MINDY4: variants seen among roughly 807,000 people sequenced by gnomAD.
MINDY4 encodes probable ubiquitin carboxyl-terminal hydrolase MINDY-4.
Under a neutral mutation model 87.0 loss-of-function variants are expected in MINDY4, and 68 were observed. The ratio of observed to expected loss-of-function variants is 0.78; its 90% CI spans 0.64 to 0.96. MINDY4 has a LOEUF of 0.96. Ranked by LOEUF, MINDY4 falls within the 40% of genes least tolerant of loss-of-function variation. The pLI is 0.00. For missense variants in MINDY4, 919 were observed against 928.2 expected (o/e 0.99, Z 0.13); for synonymous variants, 379 against 363.2 (o/e 1.04, Z -0.50).
At chr7:30,790,867 C>T (rs1185938812) in intron 4 of MINDY4, among the ~76,000 whole-genome samples, 5 of 152,182 alleles carry the variant, frequency 3.3e-5, no homozygotes, top group Admixed American at 6.5e-5. Flanking sequence ...GGTGGTGATG[C>T]AGACTGGAGC....
intron 5 of MINDY4, among the ~76,000 whole-genome samples, chr7:30,808,116 G>A (rs1232383602): frequency 6.6e-6 from 1 of 152,190 alleles, no homozygotes; most frequent in Admixed American, 6.5e-5. Context: ...TCCTGAGAGC[G>A]CTCCCGGGTA....
intron 11 of MINDY4, among the ~76,000 whole-genome samples, chr7:30,852,727 C>T (rs185120784): frequency 5.9e-5 from 9 of 152,226 alleles, no homozygotes; most frequent in Admixed American, 2.6e-4. Context: ...CATACACAAT[C>T]GGGGAAATAA....
At chr7:30,834,035 A>G (rs1788786975) in intron 6 of MINDY4, among the ~76,000 whole-genome samples, 1 of 152,234 alleles carries the variant, frequency 6.6e-6, no homozygotes, top group African/African-American at 2.4e-5. Flanking sequence ...TTCCAGGCAC[A>G]TGGTGCAAGC....
intron 12 of MINDY4, 144 bp from the exon 13 acceptor site, chr7:30,859,113 G>A (rs202149651): frequency 1.2e-4 from 94 of 774,964 alleles, no homozygotes; most frequent in Non-Finnish European, 2.0e-4. Context: ...GTCAGCCTTC[G>A]GGCCACCCAG....
chr7:30,841,053 G>A (rs1384693028), intron 9 of MINDY4, among the ~76,000 whole-genome samples: 1 of 152,132 alleles, frequency 6.6e-6, no homozygotes, highest in African/African-American at 2.4e-5. Flanking sequence ...CTGAAAGCGG[G>A]GAGGGTTCTC....
At chr7:30,813,109 G>A (rs536695605) in intron 5 of MINDY4, among the ~76,000 whole-genome samples, 5 of 152,276 alleles carry the variant, frequency 3.3e-5, no homozygotes, top group South Asian at 2.1e-4. Flanking sequence ...CCAAGGACAC[G>A]GGATTTTGGA....
intron 5 of MINDY4, among the ~76,000 whole-genome samples, chr7:30,823,438 T>G (rs1392949941): frequency 2.0e-5 from 3 of 152,202 alleles, no homozygotes; most frequent in Non-Finnish European, 4.4e-5. Flanking sequence ...TTCTTTCTCT[T>G]TTCCTTGCAC....
chr7:30,820,594 A>G (rs1788296968), intron 5 of MINDY4, among the ~76,000 whole-genome samples: 1 of 152,140 alleles, frequency 6.6e-6, no homozygotes, highest in African/African-American at 2.4e-5. Context: ...CATATAATAT[A>G]TAAACTTACG....
chr7:30,862,475 C>T (rs1212302532), intron 13 of MINDY4, among the ~76,000 whole-genome samples: 1 of 152,242 alleles, frequency 6.6e-6, no homozygotes, highest in Non-Finnish European at 1.5e-5. Context: ...CTCCCTGCAT[C>T]CCGGCACCTC....
At position 30,790,904 on chromosome 7, in the gene MINDY4, G is replaced by A. The variant is rs143336412; in HGVS notation, c.664-261G>A. 2.5e-3 allele frequency among the ~76,000 whole-genome samples: 376 copies of A among 152,318 alleles called. 1 individual carries two copies. Among genetic ancestry groups the A allele is most frequent in the African/African-American group, 8.6e-3 (359 of 41,576 alleles). ...ACGGCTTCACCTGCTGCATGAACCT[G>A]CTCTCTGTAAGGGCTGCGAGAGAAA... On this transcript the variant is annotated intron_variant, in intron 4 of 17. Coordinates refer to ENST00000265299, the MANE Select transcript of MINDY4 (RefSeq NM_032222.3).
At chr7:30,812,764 C>A (rs969974649) in intron 5 of MINDY4, among the ~76,000 whole-genome samples, 11 of 152,108 alleles carry the variant, frequency 7.2e-5, no homozygotes, top group Non-Finnish European at 1.5e-4. Flanking sequence ...TTTTCCAGAC[C>A]AGTCTTACCC....
intron 5 of MINDY4, among the ~76,000 whole-genome samples, chr7:30,821,427 T>G (rs568795319): frequency 1.5e-3 from 232 of 152,338 alleles, no homozygotes; most frequent in African/African-American, 5.3e-3. Flanking sequence ...GATGTTATTT[T>G]ATTGTCTTAT....
rs751081117 is a variant in MINDY4, at chr7:30,791,319, G to A, written c.818G>A (p.Gly273Asp). Residue 273 changes from glycine to aspartate, a missense_variant, in exon 5 of 18, where the codon GGT becomes GAT. Physicochemically the swap from Gly to Asp is moderately conservative, Grantham distance 94 (BLOSUM62 -1). Transcript: ENST00000265299. ...SNSSPSRTSLGQLSELTVERQ... is the reference protein window; with the variant it reads ...SNSSPSRTSLDQLSELTVERQ... ...AGCTCCCCCTCCAGGACCTCCCTGG[G>A]TCAGCTTAGTGAACTGACCGTAGAA... is the stretch of plus-strand genomic sequence containing the variant. The A allele has an allele frequency of 2.8e-5, 45 of 1,614,008 alleles. No homozygotes were observed. The highest frequency in any genetic ancestry group is 3.6e-5 in the Non-Finnish European group (43 of 1,180,030).
intron 13 of MINDY4, among the ~76,000 whole-genome samples, chr7:30,871,383 A>G (rs922059615): frequency 2.0e-5 from 3 of 152,084 alleles, no homozygotes; most frequent in Non-Finnish European, 4.4e-5. Flanking sequence ...CATCTCTCAG[A>G]GGGAGTTACA....
At chr7:30,859,377 A>G (rs1402839563) in intron 13 of MINDY4, 53 bp downstream of exon 13, 5 of 1,534,890 alleles carry the variant, frequency 3.3e-6, no homozygotes, top group Admixed American at 1.7e-5. Context: ...TGTCTTGTTC[A>G]CTGCTGCCTC....
chr7:30,781,134 T>C (rs1160250517), intron 2 of MINDY4: 1 of 152,190 alleles, frequency 6.6e-6, no homozygotes, highest in African/African-American at 2.4e-5. Flanking sequence ...AATCACAGAG[T>C]GCCCCATGTC....
intron 6 of MINDY4, among the ~76,000 whole-genome samples, chr7:30,831,315 A>C (rs1163560398): frequency 6.6e-6 from 1 of 151,802 alleles, no homozygotes; most frequent in East Asian, 1.9e-4. Context: ...TTATGTTGTA[A>C]TTTTTCAGGG....
intron 6 of MINDY4, among the ~76,000 whole-genome samples, chr7:30,831,660 T>C (rs1788705239): frequency 6.6e-6 from 1 of 152,104 alleles, no homozygotes; most frequent in Admixed American, 6.6e-5. Flanking sequence ...GTTCTGAGTT[T>C]CTGGTGTTGG....
At chr7:30,795,652 A>C (rs907751041) in intron 5 of MINDY4, among the ~76,000 whole-genome samples, 7 of 152,220 alleles carry the variant, frequency 4.6e-5, no homozygotes, top group Non-Finnish European at 8.8e-5. Context: ...GGACAAACAC[A>C]GATTGATGGT....
Sources: gnomAD v4.1 joint callset for allele counts (sites outside exome capture counted in the v4.1 genomes callset) on GRCh38, gnomAD v4.1.1 for gene constraint, MANE v1.5 for transcripts, NCBI Gene and HGNC (gene_info 2026-07-23, HGNC 2026-07-21) for gene names.